The following PCDHA12 variants were observed in gnomAD, a reference collection of about 807,000 sequenced individuals.
PCDHA12 encodes protocadherin alpha-12.
A neutral mutation model predicts 60.0 loss-of-function variants in PCDHA12; 44 were observed. That is an observed-to-expected ratio of 0.73 (90% CI 0.58 to 0.94). PCDHA12 has a LOEUF of 0.94. PCDHA12 is among the 40% of genes least tolerant of loss of function. The pLI is 0.00. For synonymous variants in PCDHA12, 569 were observed against 553.0 expected, an observed-to-expected ratio of 1.03 and a Z score of -0.40; for missense variants, 1,276 against 1,239.7, an observed-to-expected ratio of 1.03 and a Z score of -0.44.
Position 140,883,556 on chromosome 5 carries a change from G to C in PCDHA12, c.2367+5717G>C, listed in dbSNP as rs144498761. ...TGAACTGGTGGTGACCGCGCGGGAC[G>C]GGGGCTCGCCTTCGCTGTGGGCCAC... On this transcript the variant is annotated intron_variant, in intron 1 of 3. Transcript: ENST00000398631. The C allele has an allele frequency of 2.1e-4, 339 of 1,614,184 alleles. 1 individual carries two copies. In the Middle Eastern group the frequency reaches 8.9e-3, roughly 42 times the overall value.
chr5:140,973,606 G>T (rs1554235444), intron 1 of PCDHA12, among the ~76,000 whole-genome samples: 1 of 152,204 alleles, frequency 6.6e-6, no homozygotes, highest in African/African-American at 2.4e-5. Flanking sequence ...TTATGGCTGA[G>T]CTCTTCTCTG....
Position 141,009,995 on chromosome 5 carries a change from C to T in PCDHA12, c.*58C>T, listed in dbSNP as rs1178395504. 6.3e-7 allele frequency: 1 copy of T among 1,576,476 alleles called. No individual in the cohort carries two copies. The highest frequency in any genetic ancestry group is 8.6e-7 in the Non-Finnish European group (1 of 1,165,244). ...TTTTTGTAATAATGGCAAATCTCTC[C>T]CATGTAGCAATTCCCTGCTCCTTTT... On this transcript the variant is annotated 3_prime_UTR_variant, in exon 4 of 4. Coordinates refer to ENST00000398631, the MANE Select transcript of PCDHA12 (RefSeq NM_018903.4).
intron 3 of PCDHA12, among the ~76,000 whole-genome samples, chr5:141,008,045 CAG>C (rs1416741468): frequency 2.0e-5 from 3 of 151,924 alleles, no homozygotes; most frequent in South Asian, 2.1e-4. Context: ...CCTTTTGTAA[CAG>C]GGGTCCAGTC....
rs563250653 is a variant in PCDHA12, at chr5:140,875,685, C to G, written c.213C>G (p.His71Gln). Residue 71 changes from histidine to glutamine, a missense_variant, in exon 1 of 4, where the codon CAC (histidine) becomes CAG (glutamine). By Grantham distance (24) the His-to-Gln change is conservative. Transcript: ENST00000398631. ...PRLFRVASKRHGDLLEVNLQN... is the reference protein window; with the variant it reads ...PRLFRVASKRQGDLLEVNLQN... ...TGTTCCGGGTGGCGTCCAAAAGACA[C>G]GGGGACCTTCTGGAGGTAAATCTGC... 6.2e-7 allele frequency: 1 copy of G among 1,613,816 alleles called. No homozygotes were observed.
intron 1 of PCDHA12, among the ~76,000 whole-genome samples, chr5:140,893,672 T>G (rs1554185735): frequency 6.6e-6 from 1 of 152,216 alleles, no homozygotes; most frequent in African/African-American, 2.4e-5. Flanking sequence ...ATTTCAGCAC[T>G]TTGGATATAT....
chr5:141,010,815 TC>T lies in PCDHA12; in HGVS notation c.*879del, dbSNP rs1159286994. 1.3e-5 allele frequency: 2 copies of T among 153,744 alleles called. No homozygotes were observed. Among genetic ancestry groups the T allele is most frequent in the Admixed American group, 6.5e-5 (1 of 15,280 alleles). 9.5% of individuals were successfully genotyped at this position (153,744 alleles called of 1,614,324 possible). On this transcript the variant is annotated 3_prime_UTR_variant, in exon 4 of 4. Coordinates refer to ENST00000398631, the MANE Select transcript of PCDHA12 (RefSeq NM_018903.4). ...AAAGAAAACCCCGACACCTCACCTT[TC>T]GCTGTTTGTTGTTTCATAGATTTAT...
At chr5:140,967,142 C>T in intron 1 of PCDHA12, 1 of 1,611,304 alleles carries the variant, frequency 6.2e-7, no homozygotes, top group Non-Finnish European at 8.5e-7. Flanking sequence ...AGTGCTGGCG[C>T]ACAACCCCGT....
intron 1 of PCDHA12, chr5:140,926,803 C>T (rs2083562434): frequency 6.9e-7 from 1 of 1,454,300 alleles, no homozygotes; most frequent in Non-Finnish European, 9.0e-7. Flanking sequence ...GTGCTCTTCC[C>T]CGCGGCTCGT....
chr5:140,969,228 G>C, intron 1 of PCDHA12: 1 of 1,614,176 alleles, frequency 6.2e-7, no homozygotes, highest in Non-Finnish European at 8.5e-7. Flanking sequence ...GGGCCTTCGG[G>C]AGCCCAAGCA....
At chr5:140,947,647 A>G (rs1192426462) in intron 1 of PCDHA12, among the ~76,000 whole-genome samples, 1 of 151,646 alleles carries the variant, frequency 6.6e-6, no homozygotes, top group African/African-American at 2.4e-5. Flanking sequence ...ATGAACATAT[A>G]TACCTCCATT....
intron 3 of PCDHA12, among the ~76,000 whole-genome samples, chr5:140,990,421 G>A (rs374181612): frequency 2.6e-5 from 4 of 152,190 alleles, no homozygotes; most frequent in Non-Finnish European, 5.9e-5. Flanking sequence ...CTTTCAACCA[G>A]CATTGACCCA....
chr5:140,875,971 CTT>C lies in PCDHA12; in HGVS notation c.502_503del (p.Leu168AspfsTer8). 6.2e-7 allele frequency: 1 copy of C among 1,614,030 alleles called. No individual in the cohort carries two copies. On this transcript the variant is annotated frameshift_variant, in exon 1 of 4. Transcript: ENST00000398631. LOFTEE classifies it high-confidence loss of function. The stretch of plus-strand genomic sequence containing the variant: ...TGATGCGGATATCGGCGTAAACTCT[CTT>C]TTGACCTATGCGTTAAGTCTAAATG... Reference protein sequence around the residue: ...ASDADIGVNSLLTYALSLNEN... With the variant: ...ASDADIGVNSXLTYALSLNEN...
chr5:140,906,010 C>T (rs1465949058), intron 1 of PCDHA12, among the ~76,000 whole-genome samples: 1 of 152,210 alleles, frequency 6.6e-6, no homozygotes, highest in Admixed American at 6.5e-5. Flanking sequence ...CTAAGCCAGT[C>T]TAATCTCTCC....
intron 1 of PCDHA12, among the ~76,000 whole-genome samples, chr5:140,899,014 T>C (rs2067098044): frequency 6.6e-6 from 1 of 151,934 alleles, no homozygotes. Context: ...TGTATAAGAA[T>C]GCTTGTGATT....
Position 141,009,665 on chromosome 5 carries a change from G to T in PCDHA12, c.2554G>T (p.Gly852Cys). 6.2e-7 allele frequency: 1 copy of T among 1,614,022 alleles called. No individual in the cohort carries two copies. Among genetic ancestry groups the T allele is most frequent in the Non-Finnish European group, 8.5e-7 (1 of 1,180,006 alleles). The change falls in exon 4 of 4, where the codon GGT becomes TGT. Residue 852 changes from glycine to cysteine, a missense_variant. By Grantham distance (159) the Gly-to-Cys change is radical (BLOSUM62 -3). Transcript: ENST00000398631. The stretch of plus-strand genomic sequence containing the variant: ...AGAAGTGTCCCCTCCAGTCGGTGCG[G>T]GTGTCAACAGCAACAGCTGGACCTT... ...AGEVSPPVGA[G>C]VNSNSWTFKY...
intron 1 of PCDHA12, chr5:140,882,370 C>T: frequency 6.2e-7 from 1 of 1,614,220 alleles, no homozygotes; most frequent in Non-Finnish European, 8.5e-7. Context: ...TCCACTACTC[C>T]GTCCCCGAGG....
Position 140,917,327 on chromosome 5 carries a change from G to A in PCDHA12, c.2367+39488G>A, listed in dbSNP as rs1219338384. ...TTACAATTTGGTGTTCATGTGGCGG[G>A]GGAGGGGGGGGATGGTGTAGGCTTC... On this transcript the variant is annotated intron_variant, in intron 1 of 3. Coordinates refer to ENST00000398631, the MANE Select transcript of PCDHA12 (RefSeq NM_018903.4). Among the ~76,000 whole-genome samples, 73 of 149,528 alleles carry A rather than the reference G, an allele frequency of 4.9e-4. 3 individuals carry two copies. Among genetic ancestry groups the A allele is most frequent in the African/African-American group, 1.3e-3 (54 of 40,384 alleles).
At chr5:140,968,229 TC>T in intron 1 of PCDHA12, 2 of 1,613,970 alleles carry the variant, frequency 1.2e-6, no homozygotes, top group Non-Finnish European at 1.7e-6. Flanking sequence ...GGTGTGTTGC[TC>T]TGTACTGTGC....
intron 1 of PCDHA12, among the ~76,000 whole-genome samples, chr5:140,961,356 CA>C (rs1164957121): frequency 1.3e-5 from 2 of 152,168 alleles, no homozygotes; most frequent in Non-Finnish European, 2.9e-5. Context: ...CTGTAGTCCC[CA>C]TTAGAATTCT....
Sources: gnomAD v4.1 joint callset for allele counts (sites outside exome capture counted in the v4.1 genomes callset) on GRCh38, gnomAD v4.1.1 for gene constraint, MANE v1.5 for transcripts, NCBI Gene and HGNC (gene_info 2026-07-23, HGNC 2026-07-21) for gene names.